DAB2IP: variants seen among roughly 807,000 people sequenced by gnomAD.
The protein encoded by DAB2IP is disabled homolog 2-interacting protein.
Under a neutral mutation model 107.2 loss-of-function variants are expected in DAB2IP, and 28 were observed. The observed-to-expected ratio is 0.26, with a 90% confidence interval of 0.19 to 0.36. The LOEUF is 0.36. Among genes scored for constraint, DAB2IP ranks in the 10% least tolerant of loss-of-function variants. DAB2IP has a pLI of 1.00. For synonymous variants in DAB2IP, 755 were observed against 706.4 expected (o/e 1.07, Z -1.09); for missense variants, 1,400 against 1,644.7 (o/e 0.85, Z 2.57).
chr9:121,611,832 G>A (rs931294711), intron 1 of DAB2IP, among the ~76,000 whole-genome samples: 2 of 152,098 alleles, frequency 1.3e-5, no homozygotes, highest in Non-Finnish European at 2.9e-5. Context: ...TGATCCACCT[G>A]CCTCGGCCTC....
At chr9:121,755,566 A>G (rs958415477) in intron 3 of DAB2IP, among the ~76,000 whole-genome samples, 4 of 152,142 alleles carry the variant, frequency 2.6e-5, no homozygotes, top group Admixed American at 6.5e-5. Context: ...GGATTCCCTC[A>G]GCTCTGACTC....
chr9:121,646,256 G>T (rs1378308943), intron 1 of DAB2IP, among the ~76,000 whole-genome samples: 1 of 152,128 alleles, frequency 6.6e-6, no homozygotes, highest in Admixed American at 6.5e-5. Flanking sequence ...GGCGGTGGCA[G>T]TGGTGGTCGC....
intron 3 of DAB2IP, among the ~76,000 whole-genome samples, chr9:121,729,140 G>GA (rs1246031589): frequency 1.3e-5 from 2 of 152,122 alleles, no homozygotes; most frequent in African/African-American, 4.8e-5. Context: ...GTGTCCCAAA[G>GA]ATTCTTATCT....
At chr9:121,636,133 C>A (rs1027644075) in intron 1 of DAB2IP, among the ~76,000 whole-genome samples, 10 of 151,982 alleles carry the variant, frequency 6.6e-5, no homozygotes, top group African/African-American at 2.4e-4. Flanking sequence ...GTTTCGAGTT[C>A]CTGAGCTCAG....
intron 1 of DAB2IP, among the ~76,000 whole-genome samples, chr9:121,605,800 C>G (rs1401053388): frequency 6.6e-6 from 1 of 152,202 alleles, no homozygotes; most frequent in Non-Finnish European, 1.5e-5. Context: ...GCCACCGCAC[C>G]TGGCTTCTTT....
intron 1 of DAB2IP, among the ~76,000 whole-genome samples, chr9:121,605,416 C>T (rs1425777890): frequency 6.6e-6 from 1 of 152,194 alleles, no homozygotes; most frequent in Non-Finnish European, 1.5e-5. Flanking sequence ...TTAGGGAAAG[C>T]CACCTGTCAG....
chr9:121,699,488 G>A lies in DAB2IP; in HGVS notation c.362+30G>A, dbSNP rs1157538105. On this transcript the variant is annotated intron_variant, in intron 3 of 15. Transcript: ENST00000408936. The surrounding 1 kb of genome is among the most constrained non-coding windows in gnomAD (Gnocchi z 6.2). The stretch of plus-strand genomic sequence containing the variant: ...GCCCGCCGCCGCCGCCCGGTCCCCC[G>A]CGCCGCCGCCCCGGGCTGCGCCCCT... 5 of 1,267,778 alleles carry A rather than the reference G, an allele frequency of 3.9e-6. No individual in the cohort carries two copies. The South Asian group carries it at 9.6e-5, about 24-fold the overall frequency. 78.5% of individuals were successfully genotyped at this position (1,267,778 alleles called of 1,614,324 possible). A position where few individuals can be genotyped will look rare whatever the true frequency, so the allele number is the denominator to read the frequency against.
At chr9:121,712,766 T>A (rs779088400) in intron 3 of DAB2IP, among the ~76,000 whole-genome samples, 2 of 152,198 alleles carry the variant, frequency 1.3e-5, no homozygotes, top group Non-Finnish European at 2.9e-5. Flanking sequence ...CTGAACATAT[T>A]CTTACAGATG....
At chr9:121,768,967 A>G (rs777460143) in intron 10 of DAB2IP, among the ~76,000 whole-genome samples, 2 of 152,176 alleles carry the variant, frequency 1.3e-5, no homozygotes, top group Admixed American at 6.5e-5. Context: ...TATGAAGAAG[A>G]TGACTCAAGA....
upstream of DAB2IP, among the ~76,000 whole-genome samples, chr9:121,646,773 A>G (rs951349076): frequency 1.3e-5 from 2 of 151,914 alleles, no homozygotes; most frequent in African/African-American, 4.8e-5. Flanking sequence ...GCTATTAAAG[A>G]AAGTTCTAGA....
intron 1 of DAB2IP, among the ~76,000 whole-genome samples, chr9:121,591,428 C>T (rs1830420577): frequency 1.3e-5 from 2 of 152,192 alleles, no homozygotes; most frequent in African/African-American, 4.8e-5. Context: ...GAGATCGTGC[C>T]ACTGCACTCC....
At chr9:121,744,704 T>C (rs952720253) in intron 3 of DAB2IP, among the ~76,000 whole-genome samples, 1 of 152,214 alleles carries the variant, frequency 6.6e-6, no homozygotes, top group Non-Finnish European at 1.5e-5. Context: ...AGAGCCGAAG[T>C]GCCAGGTGTC....
intron 14 of DAB2IP, among the ~76,000 whole-genome samples, chr9:121,777,003 A>G (rs1246947010): frequency 6.6e-6 from 1 of 151,688 alleles, no homozygotes; most frequent in African/African-American, 2.4e-5. Context: ...TTTAATGCTG[A>G]CTCTCATCTT....
chr9:121,608,157 G>T (rs1208411177), intron 1 of DAB2IP, among the ~76,000 whole-genome samples: 1 of 152,222 alleles, frequency 6.6e-6, no homozygotes, highest in Admixed American at 6.5e-5. Context: ...CACACTTGAC[G>T]CTGTGCAGAG....
chr9:121,718,659 A>C (rs1214752727), intron 3 of DAB2IP, among the ~76,000 whole-genome samples: 1 of 152,224 alleles, frequency 6.6e-6, no homozygotes, highest in African/African-American at 2.4e-5. Context: ...GGATAGTATC[A>C]GTTCATGGCA....
intron 2 of DAB2IP, among the ~76,000 whole-genome samples, chr9:121,688,203 C>T (rs571478188): frequency 1.3e-5 from 2 of 152,144 alleles, no homozygotes; most frequent in Non-Finnish European, 2.9e-5. Flanking sequence ...AAAAATGAAA[C>T]GATCAAGTGG....
intron 3 of DAB2IP, among the ~76,000 whole-genome samples, chr9:121,715,101 G>A (rs750725547): frequency 6.6e-5 from 10 of 152,370 alleles, no homozygotes; most frequent in East Asian, 1.9e-4. Flanking sequence ...GGCATGCCCC[G>A]TTGCTCCAGG....
In DAB2IP at chr9:121,763,189, A is replaced by G. The variant is rs1294666114; in HGVS notation, c.1171-316A>G. Among the ~76,000 whole-genome samples the G allele has an allele frequency of 2.0e-5, 3 of 152,068 alleles. No homozygotes were observed. The East Asian group carries it at 5.8e-4, about 29-fold the overall frequency. On this transcript the variant is annotated intron_variant, in intron 6 of 15. Coordinates refer to ENST00000408936, the Ensembl canonical transcript of DAB2IP. ...AGGCCAGGCCTGATCAGGGCTGTAC[A>G]TGGAAATGAGTCCATTCTCTGTGGT...
At chr9:121,646,744 C>T (rs1832553842), upstream of DAB2IP, among the ~76,000 whole-genome samples, 2 of 152,092 alleles carry the variant, frequency 1.3e-5, no homozygotes, top group Non-Finnish European at 2.9e-5. Context: ...TAGCCTCCTC[C>T]TGTCCCTTGA....
Sources: gnomAD v4.1 joint callset for allele counts (sites outside exome capture counted in the v4.1 genomes callset) on GRCh38, gnomAD v4.1.1 for gene constraint, Gnocchi (gnomAD v3.1) non-coding constraint, MANE v1.5 for transcripts, NCBI Gene and HGNC (gene_info 2026-07-23, HGNC 2026-07-21) for gene names.